Variants in HPS3 observed in about 807,000 individuals in gnomAD.
HPS3 encodes the protein HPS3 biogenesis of lysosomal organelles complex 2 subunit 1, also known as BLOC-2 complex member HPS3.
In HPS3, 79 loss-of-function variants were observed where a neutral mutation model predicts 110.9. The ratio of observed to expected loss-of-function variants is 0.71; its 90% CI spans 0.59 to 0.86. The LOEUF (loss-of-function observed/expected upper bound fraction) is 0.86, where lower values mean the gene tolerates loss of function less well. Among genes scored for constraint, HPS3 ranks in the 40% least tolerant of loss-of-function variants. The pLI is 0.00. For synonymous variants in HPS3, 428 were observed against 451.0 expected (o/e 0.95, Z 0.65); for missense variants, 1,197 against 1,206.2 (o/e 0.99, Z 0.11).
intron 4 of HPS3, among the ~76,000 whole-genome samples, chr3:149,143,220 C>T (rs111289774): frequency 7.9e-5 from 12 of 152,316 alleles, no homozygotes; most frequent in African/African-American, 2.4e-4. Context: ...CCCACTCTCA[C>T]CCTGCTTACT....
chr3:149,148,399 CTTTTTT>C (rs66720211), intron 5 of HPS3, among the ~76,000 whole-genome samples: 1 of 100,372 alleles, frequency 1.0e-5, no homozygotes, highest in African/African-American at 4.2e-5. Context: ...CATATCAAGA[CTTTTTT>C]TTTTTTTTTT....
rs1725073409 is a variant in HPS3 at position 149,172,280 on chromosome 3, T to G, written c.*58T>G. On this transcript the variant is annotated 3_prime_UTR_variant, in exon 17 of 17. Coordinates refer to ENST00000296051, the MANE Select transcript of HPS3 (RefSeq NM_032383.5). ...TGAGACTGAATTTCTAAAAATTGAATGCCAAAGTACAAGTAGAGGAGTTTT... is the reference window on the plus strand; with the variant it reads ...TGAGACTGAATTTCTAAAAATTGAAGGCCAAAGTACAAGTAGAGGAGTTTT... 1 of 1,464,054 alleles carries G rather than the reference T, an allele frequency of 6.8e-7. No homozygotes were observed. The highest frequency in any genetic ancestry group is 1.4e-5 in the African/African-American group (1 of 71,220). 90.7% of individuals were successfully genotyped at this position (1,464,054 alleles called of 1,614,324 possible). A position where few individuals can be genotyped will look rare whatever the true frequency, so the allele number is the denominator to read the frequency against.
chr3:149,136,724 A>G (rs1248727660), intron 1 of HPS3, among the ~76,000 whole-genome samples: 1 of 152,254 alleles, frequency 6.6e-6, no homozygotes, highest in Non-Finnish European at 1.5e-5. Flanking sequence ...AGGCACATTT[A>G]GCAAGTGCTG....
chr3:149,130,136 G>A (rs1447959190), intron 1 of HPS3, 196 bp downstream of exon 1: 9 of 599,112 alleles, frequency 1.5e-5, no homozygotes, highest in Non-Finnish European at 2.4e-5. Context: ...GGCAAGCATA[G>A]GTATGAGCTT....
rs1724482579 is a variant in HPS3, at chr3:149,166,917, ATTCT to A, written c.2590-112_2590-109del. ...CCACGTGCATGTGCTCTAATATGGC[ATTCT>A]TTCTATTTTATTTTTGGCAAGTGAG... On this transcript the variant is annotated intron_variant, in intron 14 of 16. Transcript: ENST00000296051. 6.3e-6 allele frequency: 5 copies of A among 793,786 alleles called. No homozygotes were observed. In the East Asian group the frequency reaches 1.2e-4, roughly 20 times the overall value. 49.2% of individuals were successfully genotyped at this position (793,786 alleles called of 1,614,324 possible). A position where few individuals can be genotyped will look rare whatever the true frequency, so the allele number is the denominator to read the frequency against.
chr3:149,157,530 A>G lies in HPS3; in HGVS notation c.1690A>G (p.Arg564Gly). ...SCGHLGDCYSRLDSQHSHLTL... is the reference protein window; with the variant it reads ...SCGHLGDCYSGLDSQHSHLTL... ...TGGGCACCTTGGGGACTGTTACAGC[A>G]GGTGGGTGACACCTCTTGGAACCTT... Residue 564 changes from arginine to glycine, a missense_variant and splice_region_variant, in exon 9 of 17, where the codon AGG becomes GGG. Transcript: ENST00000296051. The G allele has an allele frequency of 6.2e-7, 1 of 1,613,556 alleles. No homozygotes were observed. Among genetic ancestry groups the G allele is most frequent in the Non-Finnish European group, 8.5e-7 (1 of 1,179,586 alleles).
intron 5 of HPS3, among the ~76,000 whole-genome samples, chr3:149,149,773 A>G (rs751279758): frequency 3.6e-4 from 55 of 152,190 alleles, no homozygotes; most frequent in Non-Finnish European, 7.2e-4. Flanking sequence ...AATATACATC[A>G]TTGTGTAGCA....
intron 11 of HPS3, 38 bp from the exon 12 acceptor site, chr3:149,162,110 A>C: frequency 3.9e-6 from 6 of 1,522,820 alleles, no homozygotes; most frequent in Non-Finnish European, 5.5e-6. Context: ...TCTAAATACA[A>C]TGTACCTTTT....
At chr3:149,153,344 G>C in intron 6 of HPS3, 150 bp from the exon 7 acceptor site, 1 of 685,012 alleles carries the variant, frequency 1.5e-6, no homozygotes, top group South Asian at 1.8e-5. Context: ...AATCTGGGTT[G>C]GTCTTTTGTT....
chr3:149,162,671 T>A lies in HPS3; in HGVS notation c.2293-19T>A. 6.2e-7 allele frequency: 1 copy of A among 1,613,372 alleles called. No individual in the cohort carries two copies. Among genetic ancestry groups the A allele is most frequent in the Non-Finnish European group, 8.5e-7 (1 of 1,179,364 alleles). On this transcript the variant is annotated intron_variant, in intron 12 of 16. Transcript: ENST00000296051. ...CTATATTTATCTGGAATATAGAGGC[T>A]CCTTTTACTGTTTTTAAGGTGCTTT...
intron 5 of HPS3, among the ~76,000 whole-genome samples, chr3:149,148,802 C>A (rs1222039978): frequency 6.6e-6 from 1 of 152,034 alleles, no homozygotes; most frequent in African/African-American, 2.4e-5. Context: ...CAGCAACTTG[C>A]TATTTTACAT....
chr3:149,156,850 T>C (rs1723488850), intron 8 of HPS3, among the ~76,000 whole-genome samples: 1 of 152,170 alleles, frequency 6.6e-6, no homozygotes, highest in Admixed American at 6.6e-5. Context: ...TCTGAATATA[T>C]TGATTGAGTC....
chr3:149,144,745 C>T (rs1722691385), intron 4 of HPS3, among the ~76,000 whole-genome samples: 1 of 152,192 alleles, frequency 6.6e-6, no homozygotes, highest in African/African-American at 2.4e-5. Flanking sequence ...CCATTAGTCA[C>T]ATGCCGCTAT....
At chr3:149,131,657 T>C (rs1387080166) in intron 1 of HPS3, among the ~76,000 whole-genome samples, 1 of 152,158 alleles carries the variant, frequency 6.6e-6, no homozygotes, top group Non-Finnish European at 1.5e-5. Context: ...ATCAGGCCAA[T>C]TAATAACCCT....
intron 8 of HPS3, 79 bp from the exon 9 acceptor site, chr3:149,157,271 A>G (rs1398310915): frequency 4.1e-6 from 5 of 1,232,794 alleles, no homozygotes; most frequent in Non-Finnish European, 5.9e-6. Flanking sequence ...TACTAACAAA[A>G]TATATAAATG....
In HPS3 at chr3:149,137,000, T is replaced by A. The variant is rs142964505; in HGVS notation, c.218-3004T>A. Among the ~76,000 whole-genome samples, 32 of 152,288 alleles carry A rather than the reference T, an allele frequency of 2.1e-4. 1 individual carries two copies. In the East Asian group the frequency reaches 6.2e-3, roughly 29 times the overall value. On this transcript the variant is annotated intron_variant, in intron 1 of 16. Coordinates refer to ENST00000296051, the MANE Select transcript of HPS3 (RefSeq NM_032383.5). ...ACTTTATCAAAGTTAATGACTGTTGTATATCAAAAGACTCATCAACAGATT... is the reference window on the plus strand; with the variant it reads ...ACTTTATCAAAGTTAATGACTGTTGAATATCAAAAGACTCATCAACAGATT...
In HPS3 at chr3:149,160,253, A is replaced by C. The variant is rs767709648; in HGVS notation, c.2080A>C (p.Arg694=). The C allele has an allele frequency of 6.2e-7, 1 of 1,613,518 alleles. No homozygotes were observed. The highest frequency in any genetic ancestry group is 8.5e-7 in the Non-Finnish European group (1 of 1,179,534). ...ALKMGDLDMH[R]NEMKSHSEMK... ...GAAAATGGGAGATCTTGACATGCAC[A>C]GAAATGAAATGAAAAGCCATTCAGA... is the stretch of plus-strand genomic sequence containing the variant. The change falls in exon 11 of 17, where the codon AGA becomes CGA. Residue 694 remains arginine, a synonymous_variant. Transcript: ENST00000296051.
Position 149,132,827 on chromosome 3 carries a change from A to G in HPS3, c.217+2887A>G, listed in dbSNP as rs1180929935. Among the ~76,000 whole-genome samples the G allele has an allele frequency of 2.6e-5, 4 of 152,272 alleles. 1 individual carries two copies. Among genetic ancestry groups the G allele is most frequent in the Non-Finnish European group, 5.9e-5 (4 of 68,048 alleles). ...TTCAGGATTCATGGAAGGAGATCAGATACCAACATTAACAGGAGTTTGGAA... is the reference window on the plus strand; with the variant it reads ...TTCAGGATTCATGGAAGGAGATCAGGTACCAACATTAACAGGAGTTTGGAA... On this transcript the variant is annotated intron_variant, in intron 1 of 16. Transcript: ENST00000296051.
Position 149,160,188 on chromosome 3 carries a change from C to T in HPS3, c.2015C>T (p.Ser672Leu), listed in dbSNP as rs1195256211. Residue 672 changes from serine to leucine, a missense_variant, in exon 11 of 17, where the codon TCA (serine) becomes TTA (leucine). Physicochemically the swap from Ser to Leu is moderately radical, Grantham distance 145 (BLOSUM62 -2). Coordinates refer to ENST00000296051, the MANE Select transcript of HPS3 (RefSeq NM_032383.5). ...YLRKLDTSGF[S>L]SILVTLTKAA... Reference sequence around the variant, plus strand: ...AGGAAGCTGGATACTTCTGGGTTTTCATCGATCTTAGTGACATTGACCAAG... The same window carrying T: ...AGGAAGCTGGATACTTCTGGGTTTTTATCGATCTTAGTGACATTGACCAAG... The T allele has an allele frequency of 1.2e-6, 2 of 1,613,920 alleles. No homozygotes were observed. Among genetic ancestry groups the T allele is most frequent in the South Asian group, 1.1e-5 (1 of 91,084 alleles).
Sources: gnomAD v4.1 joint callset for allele counts (sites outside exome capture counted in the v4.1 genomes callset) on GRCh38, gnomAD v4.1.1 for gene constraint, MANE v1.5 for transcripts, NCBI Gene and HGNC (gene_info 2026-07-23, HGNC 2026-07-21) for gene names.